The following MACROH2A2 variants were observed in gnomAD, a reference collection of about 807,000 sequenced individuals.
MACROH2A2 encodes core histone macro-H2A.2.
Under a neutral mutation model 37.6 loss-of-function variants are expected in MACROH2A2, and 6 were observed. The observed-to-expected ratio is 0.16, with a 90% confidence interval of 0.09 to 0.32. The LOEUF is 0.32. Among genes scored for constraint, MACROH2A2 ranks in the 10% least tolerant of loss-of-function variants. The probability of loss-of-function intolerance (pLI) is 1.00; values close to 1 mark genes in which losing one functional copy is unlikely to be tolerated. For missense variants in MACROH2A2, 290 were observed against 485.9 expected (o/e 0.60, Z 3.79); for synonymous variants, 192 against 202.7 (o/e 0.95, Z 0.45).
rs146062265 is a variant in MACROH2A2 at position 70,071,376 on chromosome 10, C to T, written c.-59-4224C>T. Among the ~76,000 whole-genome samples the T allele has an allele frequency of 1.8e-3, 276 of 152,130 alleles. 1 individual carries two copies. Among genetic ancestry groups the T allele is most frequent in the African/African-American group, 6.3e-3 (260 of 41,488 alleles). On this transcript the variant is annotated intron_variant, in intron 1 of 8. Transcript: ENST00000373255. ...GTGTAGGCTCTTAAGTCTTTAGAACCGACTGCTTAAAGAGCCTAAGCTTCT... is the reference window on the plus strand; with the variant it reads ...GTGTAGGCTCTTAAGTCTTTAGAACTGACTGCTTAAAGAGCCTAAGCTTCT...
rs2071993155 is a variant in MACROH2A2, at chr10:70,053,898, G to A, written c.-60+898G>A. On this transcript the variant is annotated intron_variant, in intron 1 of 8. Transcript: ENST00000373255. This position sits in a 1 kb window ranked among gnomAD's most constrained non-coding sequence, Gnocchi z 4.8. ...CTGCGGCGCAGGAAAGGGCTCTGCC[G>A]GGCGCCGGACGCCGTGCGTATCGCT... Among the ~76,000 whole-genome samples the A allele has an allele frequency of 6.6e-6, 1 of 152,164 alleles. No individual in the cohort carries two copies. The highest frequency in any genetic ancestry group is 6.5e-5 in the Admixed American group (1 of 15,282).
intron 1 of MACROH2A2, among the ~76,000 whole-genome samples, chr10:70,072,303 C>T (rs1311563942): frequency 1.3e-5 from 2 of 151,820 alleles, no homozygotes. Context: ...AAATAAGACA[C>T]ATACACATTA....
chr10:70,095,934 T>C (rs967277240), intron 6 of MACROH2A2, among the ~76,000 whole-genome samples, 181 bp downstream of exon 6: 2 of 152,234 alleles, frequency 1.3e-5, no homozygotes, highest in Non-Finnish European at 2.9e-5. Flanking sequence ...ATTCTGCATA[T>C]ATTTTTGAAA....
chr10:70,090,617 A>G (rs1330958065), intron 3 of MACROH2A2, among the ~76,000 whole-genome samples: 1 of 152,264 alleles, frequency 6.6e-6, no homozygotes, highest in African/African-American at 2.4e-5. Context: ...GGTAAATAGT[A>G]TAAGAATTTT....
intron 2 of MACROH2A2, among the ~76,000 whole-genome samples, chr10:70,082,067 A>G (rs1460971174): frequency 1.3e-5 from 2 of 152,240 alleles, no homozygotes; most frequent in Non-Finnish European, 2.9e-5. Context: ...AAAGTTAAAC[A>G]TAGAATTACC....
At chr10:70,088,041 G>A (rs2072221529) in intron 2 of MACROH2A2, among the ~76,000 whole-genome samples, 1 of 152,170 alleles carries the variant, frequency 6.6e-6, no homozygotes, top group Admixed American at 6.5e-5. Context: ...CTCATACAAA[G>A]TCATCTGTTA....
intron 4 of MACROH2A2, among the ~76,000 whole-genome samples, chr10:70,092,442 CAAAA>C (rs942508708): frequency 6.8e-6 from 1 of 146,666 alleles, no homozygotes; most frequent in African/African-American, 2.5e-5. Context: ...CTTAAACAAA[CAAAA>C]AAAAAAGAAA....
intron 4 of MACROH2A2, among the ~76,000 whole-genome samples, chr10:70,092,617 C>T (rs528649785): frequency 3.2e-4 from 49 of 152,106 alleles, no homozygotes; most frequent in African/African-American, 1.1e-3. Flanking sequence ...AGCTTGGTGC[C>T]GGAAGAAAAT....
In MACROH2A2 at chr10:70,053,427, G is replaced by T. The variant is rs929279278; in HGVS notation, c.-60+427G>T. The stretch of plus-strand genomic sequence containing the variant: ...CGCCGATGGGCACGGGGCGATGGGT[G>T]GGGGGCTGCGCAGGGCCCGAGGGAG... On this transcript the variant is annotated intron_variant, in intron 1 of 8. Coordinates refer to ENST00000373255, the MANE Select transcript of MACROH2A2 (RefSeq NM_018649.3). The surrounding 1 kb of genome is among the most constrained non-coding windows in gnomAD (Gnocchi z 4.8). Among the ~76,000 whole-genome samples the T allele has an allele frequency of 6.6e-6, 1 of 151,982 alleles. No homozygotes were observed. The highest frequency in any genetic ancestry group is 2.4e-5 in the African/African-American group (1 of 41,388).
chr10:70,107,954 C>A lies in MACROH2A2; in HGVS notation c.779-1079C>A, dbSNP rs1238496571. ...CCACAGTAGGCCAGGTGTGATGGCTCACGCCTGTAATCCCAGCACTTTGGG... is the reference window on the plus strand; with the variant it reads ...CCACAGTAGGCCAGGTGTGATGGCTAACGCCTGTAATCCCAGCACTTTGGG... On this transcript the variant is annotated intron_variant, in intron 7 of 8. Transcript: ENST00000373255. The surrounding 1 kb of genome is among the most constrained non-coding windows in gnomAD (Gnocchi z 4.4). Among the ~76,000 whole-genome samples, 4 of 152,210 alleles carry A rather than the reference C, an allele frequency of 2.6e-5. No homozygotes were observed. Among genetic ancestry groups the A allele is most frequent in the African/African-American group, 9.7e-5 (4 of 41,448 alleles).
At chr10:70,100,152 A>G in intron 6 of MACROH2A2, 56 bp from the exon 7 acceptor site, 2 of 875,672 alleles carry the variant, frequency 2.3e-6, no homozygotes, top group South Asian at 2.9e-5. Flanking sequence ...TATGTCAAAC[A>G]GTGTAATTAG....
Position 70,091,877 on chromosome 10 carries a change from A to G in MACROH2A2, c.400A>G (p.Lys134Glu). 2 of 1,614,038 alleles carry G rather than the reference A, an allele frequency of 1.2e-6. No individual in the cohort carries two copies. Among genetic ancestry groups the G allele is most frequent in the South Asian group, 2.2e-5 (2 of 91,088 alleles). Residue 134 changes from lysine (K) to glutamate (E), a missense_variant, in exon 4 of 9, where the codon AAA becomes GAA. Coordinates refer to ENST00000373255, the MANE Select transcript of MACROH2A2 (RefSeq NM_018649.3). ...SETILSPPPE[K>E]RGRKATSGKK... is the part of the protein sequence containing the mutation. ...AACGATCCTCTCCCCACCCCCAGAG[A>G]AAAGAGGCAGGAAGGCCACGTCAGG...
At chr10:70,083,752 C>T (rs1051278950) in intron 2 of MACROH2A2, among the ~76,000 whole-genome samples, 3 of 149,206 alleles carry the variant, frequency 2.0e-5, no homozygotes, top group African/African-American at 7.4e-5. Flanking sequence ...TGCACAGTTC[C>T]GCAAAGAGTG....
intron 2 of MACROH2A2, among the ~76,000 whole-genome samples, chr10:70,078,995 G>C (rs983588043): frequency 6.6e-6 from 1 of 152,110 alleles, no homozygotes; most frequent in Non-Finnish European, 1.5e-5. Context: ...TTTGAATCAG[G>C]TCTTGAAGAT....
chr10:70,089,172 A>C (rs1361149816), intron 2 of MACROH2A2, among the ~76,000 whole-genome samples: 1 of 152,194 alleles, frequency 6.6e-6, no homozygotes, highest in Non-Finnish European at 1.5e-5. Context: ...CTTTACCTAC[A>C]TCACTATTCT....
At chr10:70,108,549 C>T (rs988770498) in intron 7 of MACROH2A2, among the ~76,000 whole-genome samples, 4 of 152,210 alleles carry the variant, frequency 2.6e-5, no homozygotes, top group Non-Finnish European at 4.4e-5. Context: ...TTATCAGGTC[C>T]CAGGCTCACC....
chr10:70,053,261 C>T lies in MACROH2A2; in HGVS notation c.-60+261C>T, dbSNP rs2071986600. Among the ~76,000 whole-genome samples the T allele has an allele frequency of 1.3e-5, 2 of 152,114 alleles. No individual in the cohort carries two copies. Among genetic ancestry groups the T allele is most frequent in the Non-Finnish European group, 1.5e-5 (1 of 68,006 alleles). ...CCTGCGGCCAGCGAGGGGCCGGGGG[C>T]GTCGAGGGTACTGAGAGGGGAAGGA... is the stretch of plus-strand genomic sequence containing the variant. On this transcript the variant is annotated intron_variant, in intron 1 of 8. Coordinates refer to ENST00000373255, the MANE Select transcript of MACROH2A2 (RefSeq NM_018649.3). The surrounding 1 kb of genome is among the most constrained non-coding windows in gnomAD (Gnocchi z 4.8).
At chr10:70,108,693 T>C (rs1178550969) in intron 7 of MACROH2A2, among the ~76,000 whole-genome samples, 2 of 152,180 alleles carry the variant, frequency 1.3e-5, no homozygotes, top group African/African-American at 4.8e-5. Flanking sequence ...GCCATTACTT[T>C]ACCTGCCACA....
chr10:70,073,182 G>A (rs774815657), intron 1 of MACROH2A2, among the ~76,000 whole-genome samples: 5 of 152,152 alleles, frequency 3.3e-5, no homozygotes, highest in Non-Finnish European at 5.9e-5. Context: ...TAGCAAACAC[G>A]TGCTATGTGA....
Sources: allele counts gnomAD v4.1 joint callset (sites outside exome capture counted in the v4.1 genomes callset), GRCh38; gene constraint gnomAD v4.1.1; non-coding constraint Gnocchi (gnomAD v3.1); transcripts MANE v1.5; gene names NCBI Gene and HGNC (gene_info 2026-07-23, HGNC 2026-07-21).